Variants in ITPR1 observed in about 807,000 individuals in gnomAD.
ITPR1 encodes inositol 1,4,5-trisphosphate-gated calcium channel ITPR1.
A neutral mutation model predicts 318.4 loss-of-function variants in ITPR1; 96 were observed. That is an observed-to-expected ratio of 0.30 (90% CI 0.26 to 0.36). The LOEUF is 0.36. Ranked by LOEUF, ITPR1 falls within the 10% of genes least tolerant of loss-of-function variation. ITPR1 has a pLI of 1.00. For synonymous variants in ITPR1, 1,312 were observed against 1,289.9 expected, an observed-to-expected ratio of 1.02 and a Z score of -0.37; for missense variants, 2,440 against 3,460.2, an observed-to-expected ratio of 0.71 and a Z score of 7.40.
At chr3:4,824,815 C>T (rs1312039352) in intron 60 of ITPR1, among the ~76,000 whole-genome samples, 2 of 152,096 alleles carry the variant, frequency 1.3e-5, no homozygotes. Context: ...CTTCACAACC[C>T]TAGGGGTTGT....
At chr3:4,775,066 G>A (rs2046404335) in intron 46 of ITPR1, among the ~76,000 whole-genome samples, 176 bp from the exon 47 acceptor site, 1 of 152,190 alleles carries the variant, frequency 6.6e-6, no homozygotes, top group Admixed American at 6.5e-5. Context: ...CATACACCAA[G>A]TCCATGGGTT....
intron 2 of ITPR1, among the ~76,000 whole-genome samples, chr3:4,510,822 G>A (rs1040411162): frequency 4.6e-5 from 7 of 152,182 alleles, no homozygotes; most frequent in African/African-American, 1.7e-4. Flanking sequence ...GGTGGAAATG[G>A]TAGTTGAATT....
At chr3:4,817,701 C>A in intron 59 of ITPR1, 1 of 160,358 alleles carries the variant, frequency 6.2e-6, no homozygotes. Context: ...TTGGCATTTA[C>A]CTGGGCGAAG....
chr3:4,610,569 AT>A (rs61151980), intron 4 of ITPR1, among the ~76,000 whole-genome samples: 10,791 of 151,364 alleles, frequency 0.071, 1,232 homozygotes, highest in African/African-American at 0.24. Flanking sequence ...AAGTATTGTC[AT>A]TTTTTTTTAA....
chr3:4,728,629 C>T (rs532454565), intron 42 of ITPR1, among the ~76,000 whole-genome samples: 33 of 152,130 alleles, frequency 2.2e-4, no homozygotes, highest in Admixed American at 5.9e-4. Flanking sequence ...TTAAAATGTA[C>T]AATTATGTTA....
intron 15 of ITPR1, 107 bp downstream of exon 15, chr3:4,662,349 T>C: frequency 6.5e-6 from 6 of 925,104 alleles, no homozygotes; most frequent in Non-Finnish European, 9.0e-6. Flanking sequence ...AAACATGGGG[T>C]AGCAGGCCTT....
chr3:4,762,036 G>A (rs1005245910), intron 44 of ITPR1, among the ~76,000 whole-genome samples: 4 of 144,998 alleles, frequency 2.8e-5, no homozygotes, highest in African/African-American at 9.8e-5. Context: ...TTCGCTCCAA[G>A]GGCACGCCCC....
At chr3:4,774,069 T>C (rs2046343050) in intron 46 of ITPR1, among the ~76,000 whole-genome samples, 1 of 152,228 alleles carries the variant, frequency 6.6e-6, no homozygotes, top group Admixed American at 6.5e-5. Flanking sequence ...CCATAGAGAA[T>C]TGGTTGTTGA....
At chr3:4,564,520 G>GTT (rs955958498) in intron 4 of ITPR1, among the ~76,000 whole-genome samples, 2 of 152,180 alleles carry the variant, frequency 1.3e-5, no homozygotes, top group Non-Finnish European at 2.9e-5. Context: ...CGTTCTGCAT[G>GTT]TTTTTGTCCT....
chr3:4,540,580 A>G (rs931372363), intron 4 of ITPR1, among the ~76,000 whole-genome samples: 6 of 151,430 alleles, frequency 4.0e-5, no homozygotes, highest in Non-Finnish European at 8.8e-5. Flanking sequence ...GTGTGTGTGT[A>G]TGTGTGTGTG....
chr3:4,609,017 A>AC (rs997668124), intron 4 of ITPR1, among the ~76,000 whole-genome samples: 4 of 134,664 alleles, frequency 3.0e-5, no homozygotes, highest in African/African-American at 1.1e-4. Context: ...AAAAAAAAAA[A>AC]AAAAAAAACA....
Position 4,670,717 on chromosome 3 carries a change from C to T in ITPR1, c.2007-12C>T. On this transcript the variant is annotated splice_polypyrimidine_tract_variant and intron_variant, in intron 19 of 61. Coordinates refer to ENST00000649015, the MANE Select transcript of ITPR1 (RefSeq NM_001378452.1). ...AAAATAGTAACTTTTCCCTCCTCCT[C>T]TTGTTTTCTAGGTTGGTTCTTTCTC... The T allele has an allele frequency of 6.4e-7, 1 of 1,553,348 alleles. No individual in the cohort carries two copies. The highest frequency in any genetic ancestry group is 8.8e-7 in the Non-Finnish European group (1 of 1,140,752).
intron 45 of ITPR1, 81 bp from the exon 46 acceptor site, chr3:4,768,430 G>A (rs2045957844): frequency 4.1e-6 from 6 of 1,452,904 alleles, no homozygotes; most frequent in South Asian, 2.9e-5. Flanking sequence ...AGGAATGTAG[G>A]TTTCTGAGTG....
intron 4 of ITPR1, among the ~76,000 whole-genome samples, chr3:4,587,271 G>GTTTTT (rs34690762): frequency 1.7e-5 from 2 of 118,926 alleles, no homozygotes; most frequent in Non-Finnish European, 1.7e-5. Context: ...ACTTCTCATG[G>GTTTTT]TTTTTTTTTT....
At chr3:4,809,795 C>T (rs1482037914) in intron 55 of ITPR1, among the ~76,000 whole-genome samples, 1 of 152,182 alleles carries the variant, frequency 6.6e-6, no homozygotes, top group East Asian at 1.9e-4. Context: ...CCACAGAAAA[C>T]AAGTGCCATT....
chr3:4,614,499 A>T (rs539036195), intron 4 of ITPR1, among the ~76,000 whole-genome samples: 1 of 152,360 alleles, frequency 6.6e-6, no homozygotes, highest in Admixed American at 6.5e-5. Flanking sequence ...TGAGTTAGCT[A>T]TGTGGTTATT....
intron 4 of ITPR1, among the ~76,000 whole-genome samples, chr3:4,568,990 G>T (rs944355701): frequency 6.6e-6 from 1 of 151,520 alleles, no homozygotes; most frequent in Non-Finnish European, 1.5e-5. Flanking sequence ...GAGAAGAATG[G>T]GGAGGGGTCA....
intron 60 of ITPR1, among the ~76,000 whole-genome samples, chr3:4,824,269 T>C (rs1291207805): frequency 6.6e-6 from 1 of 152,182 alleles, no homozygotes; most frequent in Admixed American, 6.5e-5. Flanking sequence ...GTGTAATCAG[T>C]GTGCGGAAAA....
At chr3:4,517,081 A>G (rs2082223163) in intron 3 of ITPR1, among the ~76,000 whole-genome samples, 1 of 152,206 alleles carries the variant, frequency 6.6e-6, no homozygotes, top group South Asian at 2.1e-4. Context: ...AAAATTATAA[A>G]TTGCATAAAG....
Sources: allele counts gnomAD v4.1 joint callset (sites outside exome capture counted in the v4.1 genomes callset), GRCh38; gene constraint gnomAD v4.1.1; transcripts MANE v1.5; gene names NCBI Gene and HGNC (gene_info 2026-07-23, HGNC 2026-07-21).